Variants in ASTN2 observed in about 807,000 individuals in gnomAD.
ASTN2 encodes the protein astrotactin-2.
ASTN2 carries 54 observed loss-of-function variants against 139.8 expected under a neutral mutation model. The observed-to-expected ratio is 0.39, with a 90% CI of 0.31 to 0.48. ASTN2 has a LOEUF of 0.48. Among genes scored for constraint, ASTN2 ranks in the 20% least tolerant of loss-of-function variants. ASTN2 has a pLI of 0.95. For synonymous variants in ASTN2, 756 were observed against 719.5 expected, an observed-to-expected ratio of 1.05 and a Z score of -0.81; for missense variants, 1,565 against 1,725.1, an observed-to-expected ratio of 0.91 and a Z score of 1.64.
In ASTN2 at chr9:116,642,987, G is replaced by T. The variant is rs59483860; in HGVS notation, c.3072+8541C>A. On this transcript the variant is annotated intron_variant, in intron 17 of 22. Coordinates refer to ENST00000313400, the MANE Select transcript of ASTN2 (RefSeq NM_001365068.1). ...ACTGAACACAAAAGCTTTGGACTCA[G>T]ACATTCTGGGTTTGAATTCTCACCC... Among the ~76,000 whole-genome samples the T allele has an allele frequency of 9.4e-3, 1,431 of 152,200 alleles. 21 individuals carry two copies. Among genetic ancestry groups the T allele is most frequent in the African/African-American group, 0.032 (1,333 of 41,514 alleles).
At chr9:116,446,255 GGAGAGAGAGAGAGAGATA>G (rs1379314448) in intron 20 of ASTN2, among the ~76,000 whole-genome samples, 1 of 113,936 alleles carries the variant, frequency 8.8e-6, no homozygotes, top group Non-Finnish European at 1.7e-5. Context: ...GAGGGGAGAG[GGAGAGAGAGAGAGAGATA>G]GAGAGAGAGA....
At chr9:117,216,539 T>TTGTG (rs780955634) in intron 2 of ASTN2, among the ~76,000 whole-genome samples, 3 of 152,034 alleles carry the variant, frequency 2.0e-5, no homozygotes, top group African/African-American at 7.2e-5. Flanking sequence ...GTGTGTGTGT[T>TTGTG]TGTGTGTGTG....
At chr9:117,094,813 A>C (rs902525051) in intron 5 of ASTN2, among the ~76,000 whole-genome samples, 6 of 152,170 alleles carry the variant, frequency 3.9e-5, no homozygotes, top group Non-Finnish European at 7.4e-5. Flanking sequence ...AGACACCATA[A>C]ATTTTTTACA....
chr9:117,378,170 G>A (rs1830174127), intron 1 of ASTN2, among the ~76,000 whole-genome samples: 1 of 152,184 alleles, frequency 6.6e-6, no homozygotes, highest in South Asian at 2.1e-4. Flanking sequence ...TTGGCAGGTA[G>A]GTTCACATCA....
intron 22 of ASTN2, chr9:116,437,289 G>T (rs1200135692): frequency 2.1e-6 from 1 of 471,094 alleles, no homozygotes; most frequent in East Asian, 6.9e-5. Context: ...GCCCAGGGTT[G>T]CACAGTGAGC....
chr9:117,338,638 C>T (rs1431425914), intron 1 of ASTN2, among the ~76,000 whole-genome samples: 1 of 152,146 alleles, frequency 6.6e-6, no homozygotes, highest in Non-Finnish European at 1.5e-5. Flanking sequence ...TTCTTCCCCC[C>T]TCCACCCTAC....
intron 6 of ASTN2, among the ~76,000 whole-genome samples, chr9:117,013,659 C>G (rs983977581): frequency 6.6e-6 from 1 of 152,060 alleles, no homozygotes; most frequent in African/African-American, 2.4e-5. Flanking sequence ...CATTGATTAT[C>G]AGCCTGCTTC....
At chr9:117,267,101 T>C (rs1833954703) in intron 2 of ASTN2, among the ~76,000 whole-genome samples, 1 of 152,200 alleles carries the variant, frequency 6.6e-6, no homozygotes, top group Non-Finnish European at 1.5e-5. Flanking sequence ...GAGCACTTCA[T>C]CTTTGTGGCA....
chr9:117,249,489 T>A (rs1833476773), intron 2 of ASTN2, among the ~76,000 whole-genome samples: 2 of 152,158 alleles, frequency 1.3e-5, no homozygotes, highest in African/African-American at 4.8e-5. Flanking sequence ...AACTTTATTT[T>A]GTAGCAGAAC....
At chr9:116,840,105 C>CT (rs1832163185) in intron 11 of ASTN2, among the ~76,000 whole-genome samples, 1 of 148,412 alleles carries the variant, frequency 6.7e-6, no homozygotes, top group Admixed American at 6.7e-5. Context: ...CTTCAAGCAT[C>CT]TGTTTAACAA....
At chr9:116,502,716 A>C in intron 19 of ASTN2, among the ~76,000 whole-genome samples, 1 of 41,550 alleles carries the variant, frequency 2.4e-5, no homozygotes, top group African/African-American at 9.1e-5. Context: ...GGAAGGAAGG[A>C]AGGAAGGAAG....
intron 16 of ASTN2, among the ~76,000 whole-genome samples, chr9:116,657,929 C>T (rs1198445338): frequency 6.6e-6 from 1 of 150,548 alleles, no homozygotes; most frequent in Non-Finnish European, 1.5e-5. Context: ...GCTGTATCAC[C>T]CAGATTGGAG....
intron 10 of ASTN2, among the ~76,000 whole-genome samples, chr9:116,916,225 C>G (rs566213189): frequency 6.6e-6 from 1 of 152,102 alleles, no homozygotes; most frequent in Non-Finnish European, 1.5e-5. Flanking sequence ...AATGGCCCAC[C>G]ATCAGTGAAA....
Position 116,440,689 on chromosome 9 carries a change from G to C in ASTN2, c.3702C>G (p.Phe1234Leu). The C allele has an allele frequency of 6.2e-7, 1 of 1,614,196 alleles. No homozygotes were observed. The highest frequency in any genetic ancestry group is 8.5e-7 in the Non-Finnish European group (1 of 1,180,042). Reference protein sequence around the residue: ...TLMEVSASMLFRVQHHYNSHY... With the variant: ...TLMEVSASMLLRVQHHYNSHY... ...GAGAGTTGTAGTGGTGCTGGACTCG[G>C]AACAGCATCGAGGCTGAGACCTCCA... Residue 1234 changes from phenylalanine to leucine, a missense_variant, in exon 22 of 23, where the codon TTC (phenylalanine) becomes TTG (leucine). By Grantham distance (22) the Phe-to-Leu change is conservative. This residue lies in a region of ASTN2 where 418 missense variants were observed against 465.8 expected (regional missense o/e 0.90). Coordinates refer to ENST00000313400, the MANE Select transcript of ASTN2 (RefSeq NM_001365068.1).
intron 16 of ASTN2, among the ~76,000 whole-genome samples, chr9:116,718,974 A>G (rs73655479): frequency 0.026 from 2,285 of 88,088 alleles, 299 homozygotes; most frequent in African/African-American, 0.13. Context: ...CTGTATCTGT[A>G]CATATATATA....
intron 13 of ASTN2, among the ~76,000 whole-genome samples, chr9:116,772,201 G>A (rs533921301): frequency 2.6e-5 from 4 of 152,308 alleles, no homozygotes; most frequent in South Asian, 4.1e-4. Flanking sequence ...ATCTCATCTT[G>A]AATTTTAGCT....
At chr9:117,217,488 T>C (rs1178239005) in intron 2 of ASTN2, among the ~76,000 whole-genome samples, 1 of 152,210 alleles carries the variant, frequency 6.6e-6, no homozygotes, top group Non-Finnish European at 1.5e-5. Context: ...CCTTCTTCCT[T>C]CCTTGTATCC....
intron 11 of ASTN2, among the ~76,000 whole-genome samples, chr9:116,860,772 G>A (rs550038080): frequency 2.0e-5 from 3 of 152,190 alleles, no homozygotes; most frequent in South Asian, 2.1e-4. Context: ...ATTCCTGAGG[G>A]AATCTACTGC....
chr9:116,920,581 A>G (rs983013390), intron 10 of ASTN2, among the ~76,000 whole-genome samples: 1 of 152,232 alleles, frequency 6.6e-6, no homozygotes, highest in Non-Finnish European at 1.5e-5. Flanking sequence ...TTTAGGTACT[A>G]TGCTAAGCTC....
Sources: allele counts gnomAD v4.1 joint callset (sites outside exome capture counted in the v4.1 genomes callset), GRCh38; gene constraint gnomAD v4.1.1; regional missense constraint gnomAD v4.1.1; transcripts MANE v1.5; gene names NCBI Gene and HGNC (gene_info 2026-07-23, HGNC 2026-07-21).